DPYSL5: variants seen among roughly 807,000 people sequenced by gnomAD.
DPYSL5 encodes the protein dihydropyrimidinase-related protein 5.
Under a neutral mutation model 58.4 loss-of-function variants are expected in DPYSL5, and 9 were observed. The observed-to-expected ratio is 0.15, with a 90% CI of 0.09 to 0.27. DPYSL5 has a LOEUF of 0.27. Among genes scored for constraint, DPYSL5 ranks in the 10% least tolerant of loss-of-function variants. The pLI is 1.00. For missense variants in DPYSL5, 499 were observed against 770.6 expected (o/e 0.65, Z 4.17); for synonymous variants, 293 against 301.9 (o/e 0.97, Z 0.31).
chr2:26,902,252 C>T (rs1558338480), intron 2 of DPYSL5, among the ~76,000 whole-genome samples: 1 of 151,820 alleles, frequency 6.6e-6, no homozygotes, highest in African/African-American at 2.4e-5. Flanking sequence ...TGTGGGGTCT[C>T]ATATTATTAT....
intron 1 of DPYSL5, among the ~76,000 whole-genome samples, chr2:26,851,495 C>G (rs983964461): frequency 6.6e-6 from 1 of 152,208 alleles, no homozygotes; most frequent in Non-Finnish European, 1.5e-5. Context: ...GCGTAAACTT[C>G]ATTTGTGGCA....
Position 26,940,070 on chromosome 2 carries a change from C to T in DPYSL5, c.987C>T (p.Phe329=). The change falls in exon 9 of 13, where the codon TTC becomes TTT. Residue 329 remains phenylalanine (F), a synonymous_variant. Transcript: ENST00000288699. ...TCGTGGCATCAGATCACCGGCCTTT[C>T]ACCACAAAGCAGAAAGCTATGGGCA... ...LNIVASDHRP[F]TTKQKAMGKE... is the part of the protein sequence containing the mutation. 6.2e-7 allele frequency: 1 copy of T among 1,614,210 alleles called. No individual in the cohort carries two copies. The highest frequency in any genetic ancestry group is 8.5e-7 in the Non-Finnish European group (1 of 1,180,038).
At position 26,898,839 on chromosome 2, in the gene DPYSL5, A is replaced by G. The variant is rs1191927137; in HGVS notation, c.261+79A>G. 9 of 1,509,232 alleles carry G rather than the reference A, an allele frequency of 6.0e-6. No homozygotes were observed. Among genetic ancestry groups the G allele is most frequent in the Middle Eastern group, 3.6e-4 (2 of 5,508 alleles). The allele number at this position is 1,509,232 out of a possible 1,614,324, so 93.5% of individuals were successfully genotyped here. On this transcript the variant is annotated intron_variant, in intron 2 of 12. Coordinates refer to ENST00000288699, the MANE Select transcript of DPYSL5 (RefSeq NM_020134.4). The surrounding 1 kb of genome is among the most constrained non-coding windows in gnomAD (Gnocchi z 6.1). The stretch of plus-strand genomic sequence containing the variant: ...TCTAGGGCTGCTCCAGACTAGACTC[A>G]TGTGAGCCAGGTGCTCCCAGTGTAT...
rs761859712 is a variant in DPYSL5 at position 26,941,989 on chromosome 2, A to G, written c.1129A>G (p.Thr377Ala). Reference protein sequence around the residue: ...KMDENRFVAVTSSNAAKLLNL... With the variant: ...KMDENRFVAVASSNAAKLLNL... Reference sequence around the variant, plus strand: ...GGATGAGAACCGTTTTGTGGCCGTTACCAGTTCCAACGCAGCTAAGCTTCT... The same window carrying G: ...GGATGAGAACCGTTTTGTGGCCGTTGCCAGTTCCAACGCAGCTAAGCTTCT... Residue 377 changes from threonine to alanine, a missense_variant, in exon 10 of 13, where the codon ACC becomes GCC. By Grantham distance (58) the Thr-to-Ala change is moderately conservative (BLOSUM62 0). Transcript: ENST00000288699. 4.7e-5 allele frequency: 76 copies of G among 1,614,098 alleles called. No homozygotes were observed. The highest frequency in any genetic ancestry group is 1.6e-4 in the Middle Eastern group (1 of 6,070).
chr2:26,863,918 C>T (rs964770606), intron 1 of DPYSL5, among the ~76,000 whole-genome samples: 2 of 152,124 alleles, frequency 1.3e-5, no homozygotes, highest in Non-Finnish European at 2.9e-5. Context: ...ATTTCCTTTT[C>T]GTTTTAATAG....
At chr2:26,901,847 T>C (rs940353354) in intron 2 of DPYSL5, among the ~76,000 whole-genome samples, 9 of 131,648 alleles carry the variant, frequency 6.8e-5, no homozygotes, top group Admixed American at 3.8e-4. Flanking sequence ...AACAAAACAG[T>C]TGAAAGCCTG....
intron 2 of DPYSL5, among the ~76,000 whole-genome samples, chr2:26,904,144 C>A (rs1664231997): frequency 6.6e-6 from 1 of 152,190 alleles, no homozygotes; most frequent in Non-Finnish European, 1.5e-5. Flanking sequence ...CCACCCCTCA[C>A]CCCCATGGAG....
chr2:26,884,517 A>ATC (rs1553316105), intron 1 of DPYSL5, among the ~76,000 whole-genome samples: 22,407 of 146,260 alleles, frequency 0.15, 1,994 homozygotes, highest in Middle Eastern at 0.27. Context: ...AGCTTGTCCT[A>ATC]TCTCACACAC....
chr2:26,880,808 C>T (rs768352851), intron 1 of DPYSL5, among the ~76,000 whole-genome samples: 7 of 152,230 alleles, frequency 4.6e-5, no homozygotes, highest in Non-Finnish European at 7.3e-5. Context: ...CCGCCATCTC[C>T]GTGGTTCTTA....
At chr2:26,943,572 T>C (rs1015659426) in intron 11 of DPYSL5, among the ~76,000 whole-genome samples, 1 of 152,182 alleles carries the variant, frequency 6.6e-6, no homozygotes, top group Non-Finnish European at 1.5e-5. Flanking sequence ...CCAATAACAC[T>C]TTTTAATACG....
In DPYSL5 at chr2:26,877,554, G is replaced by A. The variant is rs887016001; in HGVS notation, c.-4-20942G>A. ...TAGTGTTTAATCATCTCCTGCTAGCGCCTCATGTTTTACATTTTGGCACTG... is the reference window on the plus strand; with the variant it reads ...TAGTGTTTAATCATCTCCTGCTAGCACCTCATGTTTTACATTTTGGCACTG... On this transcript the variant is annotated intron_variant, in intron 1 of 12. Transcript: ENST00000288699. The surrounding 1 kb of genome is among the most constrained non-coding windows in gnomAD (Gnocchi z 4.1). 1.9e-4 allele frequency among the ~76,000 whole-genome samples: 29 copies of A among 152,028 alleles called. No homozygotes were observed. Among genetic ancestry groups the A allele is most frequent in the African/African-American group, 3.1e-4 (13 of 41,390 alleles).
Position 26,947,118 on chromosome 2 carries a change from AC to A in DPYSL5, c.*126del. 1 of 720,286 alleles carries A rather than the reference AC, an allele frequency of 1.4e-6. No individual in the cohort carries two copies. Among genetic ancestry groups the A allele is most frequent in the South Asian group, 1.8e-5 (1 of 56,720 alleles). 44.6% of individuals were successfully genotyped at this position (720,286 alleles called of 1,614,324 possible). Reference sequence around the variant, plus strand: ...CACACCACCCGAGGGGGGCCCCGGGACCCACGGAGCCCTCCCTATGTCTGCA... The same window carrying A: ...CACACCACCCGAGGGGGGCCCCGGGACCACGGAGCCCTCCCTATGTCTGCA... On this transcript the variant is annotated 3_prime_UTR_variant, in exon 13 of 13. Transcript: ENST00000288699. The surrounding 1 kb of genome is among the most constrained non-coding windows in gnomAD (Gnocchi z 4.2).
At chr2:26,858,292 C>A (rs1035641631) in intron 1 of DPYSL5, among the ~76,000 whole-genome samples, 2 of 151,682 alleles carry the variant, frequency 1.3e-5, no homozygotes, top group Non-Finnish European at 1.5e-5. Flanking sequence ...CTGCCTCAGC[C>A]TCCTGAGTAG....
At position 26,944,234 on chromosome 2, in the gene DPYSL5, A is replaced by C. The variant is rs139836226; in HGVS notation, c.1441-422A>C. Among the ~76,000 whole-genome samples, 211 of 152,254 alleles carry C rather than the reference A, an allele frequency of 1.4e-3. 1 individual carries two copies. The highest frequency in any genetic ancestry group is 4.6e-3 in the African/African-American group (191 of 41,556). The stretch of plus-strand genomic sequence containing the variant: ...GCGGGGGCGGAGGTTGCAGTGAGCC[A>C]AGATCGCACCACTGCACTCCAGCAT... On this transcript the variant is annotated intron_variant, in intron 11 of 12. Transcript: ENST00000288699. The surrounding 1 kb of genome is among the most constrained non-coding windows in gnomAD (Gnocchi z 4.4).
rs1665683566 is a variant in DPYSL5 at position 26,849,280 on chromosome 2, G to A, written c.-5+1026G>A. 6.6e-6 allele frequency among the ~76,000 whole-genome samples: 1 copy of A among 151,874 alleles called. No individual in the cohort carries two copies. Among genetic ancestry groups the A allele is most frequent in the Non-Finnish European group, 1.5e-5 (1 of 67,900 alleles). On this transcript the variant is annotated intron_variant, in intron 1 of 12. Coordinates refer to ENST00000288699, the MANE Select transcript of DPYSL5 (RefSeq NM_020134.4). This position sits in a 1 kb window ranked among gnomAD's most constrained non-coding sequence, Gnocchi z 6.2. ...CCGCCTGGGTTTGAGGAGGGAGGAC[G>A]GGAGCGAGGAGAAGACCCGCGCTGT...
At chr2:26,916,278 G>T (rs1477809673) in intron 2 of DPYSL5, among the ~76,000 whole-genome samples, 2 of 152,178 alleles carry the variant, frequency 1.3e-5, no homozygotes, top group Admixed American at 6.5e-5. Context: ...TACAGCCAGA[G>T]TAATGTTGCA....
chr2:26,950,216 T>C lies in DPYSL5; in HGVS notation c.*3221T>C, dbSNP rs1174691302. On this transcript the variant is annotated 3_prime_UTR_variant, in exon 13 of 13. Transcript: ENST00000288699. The surrounding 1 kb of genome is among the most constrained non-coding windows in gnomAD (Gnocchi z 5.3). ...GGTGACTTCCCCACTCCCCTGTAAATGTCATGGTGCTAAGACTGTGTCAAC... is the reference window on the plus strand; with the variant it reads ...GGTGACTTCCCCACTCCCCTGTAAACGTCATGGTGCTAAGACTGTGTCAAC... 2.0e-5 allele frequency: 3 copies of C among 152,204 alleles called. No homozygotes were observed. 9.4% of individuals were successfully genotyped at this position (152,204 alleles called of 1,614,324 possible).
intron 1 of DPYSL5, among the ~76,000 whole-genome samples, chr2:26,888,765 G>A (rs949516394): frequency 3.9e-5 from 6 of 152,130 alleles, no homozygotes; most frequent in African/African-American, 1.4e-4. Context: ...TTTATTTTAA[G>A]GCCCAGTTGT....
chr2:26,947,199 T>C lies in DPYSL5; in HGVS notation c.*204T>C. ...TAACAGGCACTTTGAGATGTGTTCCTCCTGCTGTAGTCCTTTCTGCCTTGG... is the reference window on the plus strand; with the variant it reads ...TAACAGGCACTTTGAGATGTGTTCCCCCTGCTGTAGTCCTTTCTGCCTTGG... On this transcript the variant is annotated 3_prime_UTR_variant, in exon 13 of 13. Coordinates refer to ENST00000288699, the MANE Select transcript of DPYSL5 (RefSeq NM_020134.4). The surrounding 1 kb of genome is among the most constrained non-coding windows in gnomAD (Gnocchi z 4.2). 1 of 555,146 alleles carries C rather than the reference T, an allele frequency of 1.8e-6. No homozygotes were observed. The highest frequency in any genetic ancestry group is 3.0e-5 in the Admixed American group (1 of 32,962). 34.4% of individuals were successfully genotyped at this position (555,146 alleles called of 1,614,324 possible).
Sources: gnomAD v4.1 joint callset for allele counts (sites outside exome capture counted in the v4.1 genomes callset) on GRCh38, gnomAD v4.1.1 for gene constraint, Gnocchi (gnomAD v3.1) non-coding constraint, MANE v1.5 for transcripts, NCBI Gene and HGNC (gene_info 2026-07-23, HGNC 2026-07-21) for gene names.